Variants in PTPRD observed in about 807,000 individuals in gnomAD.
PTPRD encodes the protein receptor-type tyrosine-protein phosphatase delta.
In PTPRD, 34 loss-of-function variants were observed where a neutral mutation model predicts 214.5. The ratio of observed to expected loss-of-function variants is 0.16; its 90% CI spans 0.12 to 0.21. The LOEUF is 0.21. Ranked by LOEUF, PTPRD falls within the 10% of genes least tolerant of loss-of-function variation. PTPRD has a pLI of 1.00. For synonymous variants in PTPRD, 1,128 were observed against 845.7 expected (o/e 1.33, Z -5.79); for missense variants, 2,545 against 2,398.7 (o/e 1.06, Z -1.27).
intron 3 of PTPRD, among the ~76,000 whole-genome samples, chr9:10,149,041 T>C (rs1435302875): frequency 6.6e-6 from 1 of 152,182 alleles, no homozygotes; most frequent in Non-Finnish European, 1.5e-5. Flanking sequence ...AAGCAGTTCA[T>C]TCATAATAGA....
At chr9:9,798,590 C>T (rs1005011697) in intron 5 of PTPRD, among the ~76,000 whole-genome samples, 2 of 152,166 alleles carry the variant, frequency 1.3e-5, no homozygotes, top group African/African-American at 4.8e-5. Flanking sequence ...CTTTCTGCTT[C>T]TGCTATTTTT....
chr9:9,226,713 G>T (rs1177887312), intron 9 of PTPRD, among the ~76,000 whole-genome samples: 1 of 151,958 alleles, frequency 6.6e-6, no homozygotes, highest in Non-Finnish European at 1.5e-5. Flanking sequence ...ATCTCACAGG[G>T]TTGCTATGCA....
chr9:9,624,078 G>A (rs916621163), intron 7 of PTPRD, among the ~76,000 whole-genome samples: 7 of 152,134 alleles, frequency 4.6e-5, no homozygotes, highest in Admixed American at 3.3e-4. Context: ...TGACATGATC[G>A]TCATAATCAA....
rs545192071 is a variant in PTPRD, at chr9:10,590,975, T to G, written c.-600+21423A>C. On this transcript the variant is annotated intron_variant, in intron 2 of 45. Transcript: ENST00000381196. ...CTAAATAAAGCTGATTTAAGAATGT[T>G]TGAAAAACAGATCTTCATAATTGAC... Among the ~76,000 whole-genome samples the G allele has an allele frequency of 2.6e-5, 4 of 151,824 alleles. No homozygotes were observed. The South Asian group carries it at 6.2e-4, about 24-fold the overall frequency.
intron 12 of PTPRD, among the ~76,000 whole-genome samples, chr9:8,666,177 G>T (rs900157374): frequency 1.3e-5 from 2 of 151,774 alleles, no homozygotes; most frequent in African/African-American, 4.8e-5. Context: ...AATTTAAATT[G>T]AAGATTTTTT....
chr9:8,974,085 C>T (rs1026384478), intron 11 of PTPRD, among the ~76,000 whole-genome samples: 4 of 151,942 alleles, frequency 2.6e-5, no homozygotes, highest in African/African-American at 9.7e-5. Flanking sequence ...GTTTTTGTTG[C>T]AATTACTTTT....
At chr9:9,325,643 G>A (rs1969658782) in intron 9 of PTPRD, among the ~76,000 whole-genome samples, 1 of 152,116 alleles carries the variant, frequency 6.6e-6, no homozygotes, top group South Asian at 2.1e-4. Context: ...TGCAAACAAG[G>A]ACAATTTGAC....
intron 11 of PTPRD, among the ~76,000 whole-genome samples, chr9:8,934,393 A>ATGTGTGTGTGTGTG (rs756848411): frequency 4.1e-5 from 2 of 48,208 alleles, no homozygotes; most frequent in Middle Eastern, 8.8e-3. Flanking sequence ...AATACTAATT[A>ATGTGTGTGTGTGTG]TGTGTGTGTG....
chr9:9,883,144 G>A (rs111997816), intron 5 of PTPRD, among the ~76,000 whole-genome samples: 5 of 152,034 alleles, frequency 3.3e-5, no homozygotes, highest in Admixed American at 2.0e-4. Context: ...AACGCAAAAT[G>A]AACAAACCCC....
At chr9:8,979,936 T>C (rs558861397) in intron 11 of PTPRD, among the ~76,000 whole-genome samples, 18 of 152,130 alleles carry the variant, frequency 1.2e-4, no homozygotes, top group East Asian at 1.9e-4. Flanking sequence ...GTAATATTCA[T>C]AGTAGCCAAA....
At chr9:10,161,372 A>C (rs971387833) in intron 3 of PTPRD, among the ~76,000 whole-genome samples, 3 of 151,894 alleles carry the variant, frequency 2.0e-5, no homozygotes, top group African/African-American at 7.2e-5. Flanking sequence ...AGCAGAATAG[A>C]GAGAACTCAG....
At chr9:8,611,501 T>G (rs186077222) in intron 14 of PTPRD, among the ~76,000 whole-genome samples, 1 of 152,156 alleles carries the variant, frequency 6.6e-6, no homozygotes, top group East Asian at 1.9e-4. Context: ...GCCCAGGAGT[T>G]CGAGACCAGC....
At chr9:9,012,419 T>C (rs2099515551) in intron 11 of PTPRD, among the ~76,000 whole-genome samples, 1 of 152,120 alleles carries the variant, frequency 6.6e-6, no homozygotes, top group Non-Finnish European at 1.5e-5. Flanking sequence ...TAATAAACAT[T>C]GACTGAGTGA....
chr9:8,972,420 T>A (rs771802767), intron 11 of PTPRD, among the ~76,000 whole-genome samples: 1 of 151,796 alleles, frequency 6.6e-6, no homozygotes, highest in African/African-American at 2.4e-5. Flanking sequence ...AAAAGTGACA[T>A]TTAAATGAAT....
intron 8 of PTPRD, among the ~76,000 whole-genome samples, chr9:9,427,649 G>C (rs963097714): frequency 2.0e-5 from 3 of 152,162 alleles, no homozygotes; most frequent in Admixed American, 6.5e-5. Flanking sequence ...AAAATGTTAA[G>C]GGCAGCCAGA....
At chr9:9,919,401 A>G (rs988594960) in intron 5 of PTPRD, among the ~76,000 whole-genome samples, 3 of 151,972 alleles carry the variant, frequency 2.0e-5, no homozygotes, top group African/African-American at 7.3e-5. Flanking sequence ...GTATCTTTCA[A>G]CTCATGTGCC....
At chr9:10,387,793 C>T (rs540125908) in intron 2 of PTPRD, among the ~76,000 whole-genome samples, 18 of 123,740 alleles carry the variant, frequency 1.5e-4, no homozygotes, top group African/African-American at 4.2e-4. Flanking sequence ...CTGTTGAATA[C>T]GATTTAAAAA....
chr9:10,139,044 A>G (rs2098962954), intron 3 of PTPRD, among the ~76,000 whole-genome samples: 1 of 152,130 alleles, frequency 6.6e-6, no homozygotes. Flanking sequence ...TAGCCAGAGA[A>G]ATCAAGCAAG....
chr9:10,082,893 T>C lies in PTPRD; in HGVS notation c.-544-49103A>G, dbSNP rs565744172. 9.3e-5 allele frequency among the ~76,000 whole-genome samples: 14 copies of C among 150,736 alleles called. No individual in the cohort carries two copies. In the South Asian group the frequency reaches 3.0e-3, roughly 33 times the overall value. On this transcript the variant is annotated intron_variant, in intron 3 of 45. Coordinates refer to ENST00000381196, the MANE Select transcript of PTPRD (RefSeq NM_002839.4). ...AGATTTATTTTGGGGTTGTCAATGG[T>C]AAAACTCCATTATTTGTTTACATTG...
Sources: gnomAD v4.1 joint callset for allele counts (sites outside exome capture counted in the v4.1 genomes callset) on GRCh38, gnomAD v4.1.1 for gene constraint, MANE v1.5 for transcripts, NCBI Gene and HGNC (gene_info 2026-07-23, HGNC 2026-07-21) for gene names.